MAU2: variants seen among roughly 807,000 people sequenced by gnomAD.
MAU2 encodes the protein MAU2 sister chromatid cohesion factor.
MAU2 carries 9 observed loss-of-function variants against 89.1 expected under a neutral mutation model. The ratio of observed to expected loss-of-function variants is 0.10; its 90% CI spans 0.06 to 0.18. MAU2 has a LOEUF of 0.18. Ranked by LOEUF, MAU2 falls within the 10% of genes least tolerant of loss-of-function variation. The probability of loss-of-function intolerance (pLI) is 1.00; values close to 1 mark genes in which losing one functional copy is unlikely to be tolerated. For synonymous variants in MAU2, 357 were observed against 343.4 expected (o/e 1.04, Z -0.44); for missense variants, 425 against 803.5 (o/e 0.53, Z 5.69).
At position 19,358,523 on chromosome 19, in the gene MAU2, T is replaced by C. The variant is rs1261441832; in HGVS notation, c.*2741T>C. The C allele has an allele frequency of 6.6e-6, 1 of 152,244 alleles. No individual in the cohort carries two copies. The highest frequency in any genetic ancestry group is 1.5e-5 in the Non-Finnish European group (1 of 68,040). The allele number at this position is 152,244 out of a possible 1,614,324, so 9.4% of individuals were successfully genotyped here. ...GGTTGGTTGCGTTGTCAGTTGTCTC[T>C]TCGTTTTGTTAAGGTTTTTAATAAG... On this transcript the variant is annotated 3_prime_UTR_variant, in exon 19 of 19. Coordinates refer to ENST00000262815, the MANE Select transcript of MAU2 (RefSeq NM_015329.4).
intron 13 of MAU2, chr19:19,347,627 A>G (rs929400175): frequency 1.2e-5 from 5 of 409,726 alleles, no homozygotes; most frequent in Non-Finnish European, 2.2e-5. Flanking sequence ...AGCTGTATGA[A>G]TCACACAGAC....
At chr19:19,354,880 G>T (rs777132061) in intron 17 of MAU2, among the ~76,000 whole-genome samples, 4 of 152,162 alleles carry the variant, frequency 2.6e-5, no homozygotes, top group Non-Finnish European at 5.9e-5. Context: ...CCGGAGACTC[G>T]CCTGGGGCCC....
At chr19:19,350,832 G>A (rs1036926432) in intron 16 of MAU2, among the ~76,000 whole-genome samples, 11 of 151,448 alleles carry the variant, frequency 7.3e-5, no homozygotes, top group East Asian at 2.0e-4. Flanking sequence ...CCAGGAAGGC[G>A]GAGCTTGCAG....
Position 19,355,837 on chromosome 19 carries a change from C to A in MAU2, c.*55C>A. On this transcript the variant is annotated 3_prime_UTR_variant, in exon 19 of 19. Coordinates refer to ENST00000262815, the MANE Select transcript of MAU2 (RefSeq NM_015329.4). ...GGCCTGCGCGTCTCCGGCTTCCACC[C>A]AGACGGCACTCAAGCCTGCCCCCGA... The A allele has an allele frequency of 1.3e-6, 2 of 1,499,946 alleles. No individual in the cohort carries two copies. The highest frequency in any genetic ancestry group is 1.1e-5 in the South Asian group (1 of 89,002). 92.9% of individuals were successfully genotyped at this position (1,499,946 alleles called of 1,614,324 possible).
intron 2 of MAU2, among the ~76,000 whole-genome samples, 160 bp from the exon 3 acceptor site, chr19:19,335,962 A>T (rs2061593209): frequency 6.6e-6 from 1 of 152,062 alleles, no homozygotes. Context: ...GCCCTGCAGC[A>T]AGCTCAAGGT....
intron 6 of MAU2, 90 bp from the exon 7 acceptor site, chr19:19,341,162 C>G: frequency 6.8e-7 from 1 of 1,462,884 alleles, no homozygotes. Flanking sequence ...GCAGCAGTCC[C>G]AGGGCAGGTG....
chr19:19,351,138 C>A (rs1037244826), intron 16 of MAU2, among the ~76,000 whole-genome samples: 1 of 151,350 alleles, frequency 6.6e-6, no homozygotes, highest in African/African-American at 2.5e-5. Flanking sequence ...ACCTTCACCC[C>A]CTGTAGGCTC....
chr19:19,322,460 G>C (rs560596354), intron 1 of MAU2, among the ~76,000 whole-genome samples: 1 of 152,132 alleles, frequency 6.6e-6, no homozygotes, highest in Non-Finnish European at 1.5e-5. Context: ...CTAGCTGGGC[G>C]TACTGACGCG....
chr19:19,334,511 G>A (rs1015026283), intron 1 of MAU2: 54 of 985,804 alleles, frequency 5.5e-5, no homozygotes, highest in South Asian at 9.4e-5. Flanking sequence ...GCCCCCAGCC[G>A]TGGATCTCCA....
rs769859422 is a variant in MAU2 at position 19,335,706 on chromosome 19, T to A, written c.277-12T>A. On this transcript the variant is annotated splice_polypyrimidine_tract_variant and intron_variant, in intron 1 of 18. Transcript: ENST00000262815. ...TGCCTGAGAATTAATCGTTGTTTTC[T>A]TTCTTTTTCAGTGGTTGATATCACA... is the stretch of plus-strand genomic sequence containing the variant. 1 of 1,614,220 alleles carries A rather than the reference T, an allele frequency of 6.2e-7. No individual in the cohort carries two copies. Among genetic ancestry groups the A allele is most frequent in the Non-Finnish European group, 8.5e-7 (1 of 1,180,006 alleles).
intron 1 of MAU2, 71 bp downstream of exon 1, chr19:19,321,206 C>T: frequency 7.1e-7 from 1 of 1,413,502 alleles, no homozygotes; most frequent in Admixed American, 2.9e-5. Context: ...GGGTCGCGAC[C>T]GCGGCGGGTG....
intron 9 of MAU2, 139 bp from the exon 10 acceptor site, chr19:19,343,698 C>G: frequency 1.5e-6 from 1 of 683,892 alleles, no homozygotes; most frequent in Non-Finnish European, 2.7e-6. Context: ...TCAGAGGGTG[C>G]AGTGGGGACT....
rs913704399 is a variant in MAU2 at position 19,356,399 on chromosome 19, A to T, written c.*617A>T. ...GGACCCAGGAACTCAGCTTCCAAAC[A>T]TCTGCACCTTGACCGGACTCGCCAT... is the stretch of plus-strand genomic sequence containing the variant. On this transcript the variant is annotated 3_prime_UTR_variant, in exon 19 of 19. Transcript: ENST00000262815. 1.1e-5 allele frequency: 3 copies of T among 281,518 alleles called. No individual in the cohort carries two copies. Among genetic ancestry groups the T allele is most frequent in the Non-Finnish European group, 2.1e-5 (3 of 141,650 alleles). The allele number at this position is 281,518 out of a possible 1,614,324, so 17.4% of individuals were successfully genotyped here. A position where few individuals can be genotyped will look rare whatever the true frequency, so the allele number is the denominator to read the frequency against.
At position 19,338,837 on chromosome 19, in the gene MAU2, C is replaced by T; in HGVS notation, c.457-8C>T. The T allele has an allele frequency of 6.2e-7, 1 of 1,609,044 alleles. No homozygotes were observed. Among genetic ancestry groups the T allele is most frequent in the Non-Finnish European group, 8.5e-7 (1 of 1,177,324 alleles). ...GCAGCAAAGGTCACTGCTCTCTTTC[C>T]TTTTTAGCAACTGCACACGCTTGAG... is the stretch of plus-strand genomic sequence containing the variant. On this transcript the variant is annotated splice_region_variant and splice_polypyrimidine_tract_variant and intron_variant, in intron 4 of 18. Transcript: ENST00000262815.
intron 16 of MAU2, chr19:19,352,288 T>G (rs1304633758): frequency 6.6e-6 from 1 of 152,110 alleles, no homozygotes; most frequent in Non-Finnish European, 1.5e-5. Flanking sequence ...AAGCAAGATG[T>G]GTGTCTTGGC....
At chr19:19,326,546 C>T (rs1227384181) in intron 1 of MAU2, among the ~76,000 whole-genome samples, 5 of 151,234 alleles carry the variant, frequency 3.3e-5, no homozygotes, top group South Asian at 4.2e-4. Context: ...ATTAGCCAGG[C>T]GTGGTGGCGG....
At position 19,347,610 on chromosome 19, in the gene MAU2, C is replaced by T. The variant is rs543351926; in HGVS notation, c.1308+244C>T. The T allele has an allele frequency of 8.9e-5, 42 of 469,452 alleles. No individual in the cohort carries two copies. In the Admixed American group the frequency reaches 1.0e-3, roughly 11 times the overall value. 29.1% of individuals were successfully genotyped at this position (469,452 alleles called of 1,614,324 possible). A position where few individuals can be genotyped will look rare whatever the true frequency, so the allele number is the denominator to read the frequency against. On this transcript the variant is annotated intron_variant, in intron 13 of 18. Coordinates refer to ENST00000262815, the MANE Select transcript of MAU2 (RefSeq NM_015329.4). Reference sequence around the variant, plus strand: ...ACAGAACACTTCTCTTTATCACAAACAAACCAAGCTGTATGAATCACACAG... The same window carrying T: ...ACAGAACACTTCTCTTTATCACAAATAAACCAAGCTGTATGAATCACACAG...
At chr19:19,340,773 C>G in intron 5 of MAU2, 73 bp from the exon 6 acceptor site, 6 of 1,557,296 alleles carry the variant, frequency 3.9e-6, no homozygotes, top group Non-Finnish European at 5.3e-6. Context: ...TCCTGTGAGC[C>G]TTGGGGTAAT....
chr19:19,356,004 G>C lies in MAU2; in HGVS notation c.*222G>C. ...TGCAGAGGCTCACAGGTGGCACACA[G>C]GCGCTGTCTCTCCAGAGCCATCCTT... On this transcript the variant is annotated 3_prime_UTR_variant, in exon 19 of 19. Coordinates refer to ENST00000262815, the MANE Select transcript of MAU2 (RefSeq NM_015329.4). 1.5e-6 allele frequency: 1 copy of C among 671,654 alleles called. No individual in the cohort carries two copies. Among genetic ancestry groups the C allele is most frequent in the South Asian group, 1.5e-5 (1 of 66,478 alleles). The allele number at this position is 671,654 out of a possible 1,614,324, so 41.6% of individuals were successfully genotyped here.
Sources: gnomAD v4.1 joint callset for allele counts (sites outside exome capture counted in the v4.1 genomes callset) on GRCh38, gnomAD v4.1.1 for gene constraint, MANE v1.5 for transcripts, NCBI Gene and HGNC (gene_info 2026-07-23, HGNC 2026-07-21) for gene names.